CDK14: variants seen among roughly 807,000 people sequenced by gnomAD.
The protein encoded by CDK14 is cyclin-dependent kinase 14.
A neutral mutation model predicts 60.7 loss-of-function variants in CDK14; 34 were observed. That is an observed-to-expected ratio of 0.56 (90% CI 0.43 to 0.75). The LOEUF (loss-of-function observed/expected upper bound fraction) is 0.75. Among genes scored for constraint, CDK14 ranks in the 30% least tolerant of loss-of-function variants. The pLI is 0.00. For synonymous variants in CDK14, 197 were observed against 203.7 expected (o/e 0.97, Z 0.28); for missense variants, 482 against 564.1 (o/e 0.85, Z 1.47).
At chr7:91,052,059 TG>T (rs1268120010) in intron 11 of CDK14, among the ~76,000 whole-genome samples, 2 of 152,192 alleles carry the variant, frequency 1.3e-5, no homozygotes, top group African/African-American at 4.8e-5. Flanking sequence ...GAGTAATGGA[TG>T]AAGAGTTCTG....
chr7:90,647,638 A>G (rs1332652055), intron 2 of CDK14, among the ~76,000 whole-genome samples: 1 of 152,092 alleles, frequency 6.6e-6, no homozygotes, highest in Non-Finnish European at 1.5e-5. Context: ...ATTTCAAGAT[A>G]TGTTAAAAGA....
chr7:91,024,790 A>G (rs1212417032), intron 10 of CDK14, among the ~76,000 whole-genome samples: 1 of 152,196 alleles, frequency 6.6e-6, no homozygotes, highest in Non-Finnish European at 1.5e-5. Flanking sequence ...GGTCTGGTAG[A>G]CTTTCTCTTA....
intron 14 of CDK14, among the ~76,000 whole-genome samples, chr7:91,206,019 C>T (rs372483987): frequency 2.0e-4 from 30 of 152,292 alleles, no homozygotes; most frequent in African/African-American, 7.2e-4. Flanking sequence ...TGGTCTCCAT[C>T]TCCTGACCTC....
intron 10 of CDK14, among the ~76,000 whole-genome samples, chr7:90,990,228 T>G (rs1186341882): frequency 6.6e-6 from 1 of 152,118 alleles, no homozygotes; most frequent in East Asian, 1.9e-4. Context: ...CAGTGAGCTA[T>G]GATTGTGCCA....
intron 2 of CDK14, among the ~76,000 whole-genome samples, chr7:90,642,155 A>C (rs111740164): frequency 1.5e-3 from 228 of 152,334 alleles, no homozygotes; most frequent in African/African-American, 5.2e-3. Context: ...AAATGAGTGA[A>C]TTGTATAGTA....
Position 90,696,397 on chromosome 7 carries a change from A to G in CDK14, c.124-30170A>G, listed in dbSNP as rs187876983. On this transcript the variant is annotated intron_variant, in intron 2 of 14. Coordinates refer to ENST00000380050, the MANE Select transcript of CDK14 (RefSeq NM_001287135.2). Reference sequence around the variant, plus strand: ...GCTCTGTTGCCCAGGCTGGATTGCAATGGCACAACCTCAGCTCACTGCAAC... The same window carrying G: ...GCTCTGTTGCCCAGGCTGGATTGCAGTGGCACAACCTCAGCTCACTGCAAC... Among the ~76,000 whole-genome samples, 70 of 142,796 alleles carry G rather than the reference A, an allele frequency of 4.9e-4. No individual in the cohort carries two copies. The East Asian group carries it at 9.7e-3, about 20-fold the overall frequency. The allele number at this position is 142,796 out of a possible 152,430, so 93.7% of individuals were successfully genotyped here.
chr7:91,061,271 C>T (rs1484369628), intron 11 of CDK14, among the ~76,000 whole-genome samples: 1 of 152,176 alleles, frequency 6.6e-6, no homozygotes, highest in Non-Finnish European at 1.5e-5. Context: ...AAGGACTTCT[C>T]TGCATTGGTT....
chr7:90,813,706 G>A (rs566471150), intron 5 of CDK14, among the ~76,000 whole-genome samples: 80 of 151,746 alleles, frequency 5.3e-4, no homozygotes, highest in African/African-American at 1.7e-3. Flanking sequence ...CTGAGATCGC[G>A]CCACTACACT....
In CDK14 at chr7:90,885,767, G is replaced by A. The variant is rs946465170; in HGVS notation, c.640-13524G>A. Among the ~76,000 whole-genome samples, 3 of 152,134 alleles carry A rather than the reference G, an allele frequency of 2.0e-5. No individual in the cohort carries two copies. In the East Asian group the frequency reaches 5.8e-4, roughly 29 times the overall value. On this transcript the variant is annotated intron_variant, in intron 6 of 14. Transcript: ENST00000380050. The stretch of plus-strand genomic sequence containing the variant: ...GAAATGAGATCATGTCCTTTGCAGG[G>A]ATATGGATGAAACTGGAAGCCATCA...
intron 14 of CDK14, among the ~76,000 whole-genome samples, chr7:91,150,161 C>T (rs1490792024): frequency 6.6e-6 from 1 of 152,162 alleles, no homozygotes; most frequent in Non-Finnish European, 1.5e-5. Context: ...CAAAAAATTA[C>T]AACATCTTCT....
chr7:90,852,963 T>G (rs117199163), intron 5 of CDK14, among the ~76,000 whole-genome samples: 2,239 of 152,338 alleles, frequency 0.015, 20 homozygotes, highest in Non-Finnish European at 0.022. Flanking sequence ...TTGACTTTGT[T>G]TCAGTCAAAT....
chr7:90,838,436 A>C (rs1790184270), intron 5 of CDK14, among the ~76,000 whole-genome samples: 1 of 152,176 alleles, frequency 6.6e-6, no homozygotes, highest in Admixed American at 6.5e-5. Context: ...AGTGATTTTC[A>C]GGGAACAAGG....
chr7:90,700,641 C>G (rs1245186410), intron 2 of CDK14, among the ~76,000 whole-genome samples: 1 of 152,112 alleles, frequency 6.6e-6, no homozygotes, highest in Non-Finnish European at 1.5e-5. Context: ...TAAGAGTGAT[C>G]ATTGCCAGTC....
chr7:90,814,292 C>A (rs897866835), intron 5 of CDK14, among the ~76,000 whole-genome samples: 1 of 152,000 alleles, frequency 6.6e-6, no homozygotes, highest in Admixed American at 6.6e-5. Context: ...CTCTTACAGT[C>A]GGAAGGAAAG....
intron 14 of CDK14, among the ~76,000 whole-genome samples, chr7:91,179,766 G>T (rs1801933167): frequency 6.6e-6 from 1 of 151,750 alleles, no homozygotes; most frequent in Admixed American, 6.6e-5. Context: ...TTGCACCACT[G>T]CACTCCAGCC....
intron 11 of CDK14, among the ~76,000 whole-genome samples, chr7:91,064,368 A>G (rs961135422): frequency 1.3e-5 from 2 of 152,190 alleles, no homozygotes; most frequent in African/African-American, 4.8e-5. Flanking sequence ...CTAAGTTCAC[A>G]TCTCTGCTCT....
intron 14 of CDK14, among the ~76,000 whole-genome samples, chr7:91,185,014 T>G (rs1802126218): frequency 6.6e-6 from 1 of 150,976 alleles, no homozygotes; most frequent in Non-Finnish European, 1.5e-5. Context: ...GTGCATACAT[T>G]GCGAGTGGTA....
chr7:90,735,415 G>A (rs12671042), intron 3 of CDK14, among the ~76,000 whole-genome samples: 3 of 152,130 alleles, frequency 2.0e-5, no homozygotes, highest in African/African-American at 2.4e-5. Context: ...GCCCACAGCC[G>A]CCCCTTTCCC....
At chr7:90,675,819 T>G (rs983742889) in intron 2 of CDK14, among the ~76,000 whole-genome samples, 6 of 152,230 alleles carry the variant, frequency 3.9e-5, no homozygotes, top group African/African-American at 1.4e-4. Flanking sequence ...TTCTGCTTAT[T>G]GATTTGTTTA....
Sources: allele counts gnomAD v4.1 joint callset (sites outside exome capture counted in the v4.1 genomes callset), GRCh38; gene constraint gnomAD v4.1.1; transcripts MANE v1.5; gene names NCBI Gene and HGNC (gene_info 2026-07-23, HGNC 2026-07-21).